ILDR1: variants seen among roughly 807,000 people sequenced by gnomAD.
ILDR1 encodes the protein immunoglobulin-like domain-containing receptor 1.
A neutral mutation model predicts 62.4 loss-of-function variants in ILDR1; 56 were observed. The observed-to-expected ratio is 0.90, with a 90% CI of 0.72 to 1.12. The LOEUF (loss-of-function observed/expected upper bound fraction) is 1.12. ILDR1 is among the 50% of genes most tolerant of loss of function. The probability of loss-of-function intolerance (pLI) is 0.00; values close to 1 mark genes in which losing one functional copy is unlikely to be tolerated. For synonymous variants in ILDR1, 284 were observed against 277.8 expected, an observed-to-expected ratio of 1.02 and a Z score of -0.22; for missense variants, 736 against 710.6, an observed-to-expected ratio of 1.04 and a Z score of -0.41.
At chr3:122,011,273 G>A (rs1365509255) in intron 1 of ILDR1, among the ~76,000 whole-genome samples, 1 of 152,088 alleles carries the variant, frequency 6.6e-6, no homozygotes, top group East Asian at 1.9e-4. Context: ...GTTTGCTGGG[G>A]GTCAGAAAAA....
At chr3:122,035,533 G>A in the ILDR1 span, among the ~76,000 whole-genome samples, 1 of 152,168 alleles carries the variant, frequency 6.6e-6, no homozygotes, top group Non-Finnish European at 1.5e-5. Flanking sequence ...GAGGTGATTG[G>A]ATCGTGGGGG....
the ILDR1 span, among the ~76,000 whole-genome samples, chr3:122,039,384 C>T: frequency 1.3e-4 from 20 of 151,810 alleles, no homozygotes; most frequent in South Asian, 3.3e-3. Flanking sequence ...AGATATTACA[C>T]GTAGAGGAAA....
At chr3:122,030,623 TTCTCTCTCTC>T in the ILDR1 span, among the ~76,000 whole-genome samples, 2 of 147,526 alleles carry the variant, frequency 1.4e-5, no homozygotes, top group Non-Finnish European at 3.0e-5. Flanking sequence ...GCAAGGGTTT[TTCTCTCTCTC>T]TCTCTCTCTC....
chr3:122,040,261 T>G, the ILDR1 span, among the ~76,000 whole-genome samples: 2 of 151,942 alleles, frequency 1.3e-5, no homozygotes, highest in Non-Finnish European at 2.9e-5. Context: ...CAATTTTACA[T>G]AAAGTTACAT....
At chr3:122,036,418 T>C in the ILDR1 span, among the ~76,000 whole-genome samples, 1 of 151,838 alleles carries the variant, frequency 6.6e-6, no homozygotes, top group South Asian at 2.1e-4. Flanking sequence ...AGAAACCCCA[T>C]CTCTACTAAA....
At chr3:122,055,573 G>C in the ILDR1 span, 1 of 1,422,730 alleles carries the variant, frequency 7.0e-7, no homozygotes, top group Non-Finnish European at 9.9e-7. Flanking sequence ...TGAGGTTGAA[G>C]ATGGTGCTTT....
the ILDR1 span, among the ~76,000 whole-genome samples, chr3:122,049,271 A>G: frequency 6.6e-6 from 1 of 152,214 alleles, no homozygotes; most frequent in Admixed American, 6.5e-5. Flanking sequence ...TAAATGTGAT[A>G]GGACTTGTTT....
rs535389855 is a variant in ILDR1, at chr3:122,014,266, C to G, written c.59-7105G>C. On this transcript the variant is annotated intron_variant, in intron 1 of 7. Coordinates refer to ENST00000344209, the MANE Select transcript of ILDR1 (RefSeq NM_001199799.2). Reference sequence around the variant, plus strand: ...GTATCAAGTAAAAAGTTCCTCCTTGCTCACCATGAATTCCACTTTCCAGAG... The same window carrying G: ...GTATCAAGTAAAAAGTTCCTCCTTGGTCACCATGAATTCCACTTTCCAGAG... 2.6e-5 allele frequency among the ~76,000 whole-genome samples: 4 copies of G among 152,338 alleles called. No homozygotes were observed. In the East Asian group the frequency reaches 7.7e-4, roughly 29 times the overall value.
At chr3:122,003,845 G>A (rs2071564819) in intron 3 of ILDR1, among the ~76,000 whole-genome samples, 1 of 152,116 alleles carries the variant, frequency 6.6e-6, no homozygotes, top group Non-Finnish European at 1.5e-5. Context: ...TTCAGAAACT[G>A]TTCAGGTAAT....
the ILDR1 span, among the ~76,000 whole-genome samples, chr3:122,045,857 C>G: frequency 8.4e-3 from 1,269 of 151,228 alleles, 19 homozygotes; most frequent in African/African-American, 0.028. Context: ...ACTGATGGGT[C>G]TTGACTCTTT....
At chr3:122,036,775 G>A in the ILDR1 span, among the ~76,000 whole-genome samples, 2 of 152,330 alleles carry the variant, frequency 1.3e-5, no homozygotes, top group African/African-American at 4.8e-5. Context: ...GGGCATTTCA[G>A]AGACTTTCAT....
chr3:121,993,581 A>G lies in ILDR1; in HGVS notation c.1168T>C (p.Leu390=), dbSNP rs1576715040. 14 of 1,614,128 alleles carry G rather than the reference A, an allele frequency of 8.7e-6. No homozygotes were observed. Among genetic ancestry groups the G allele is most frequent in the Non-Finnish European group, 1.1e-5 (13 of 1,180,024 alleles). The change falls in exon 7 of 8, where the codon TTG becomes CTG. Residue 390 remains leucine, a synonymous_variant. Transcript: ENST00000344209. The part of the protein sequence containing the change: ...LQDRGPKSWA[L]ERRELDPSWS... ...GATGGGTCCAACTCCCTTCTTTCCA[A>G]TGCCCAAGACTTTGGCCCCCGGTCC... is the stretch of plus-strand genomic sequence containing the variant.
At chr3:122,014,923 C>G (rs2071757205) in intron 1 of ILDR1, among the ~76,000 whole-genome samples, 1 of 152,180 alleles carries the variant, frequency 6.6e-6, no homozygotes, top group South Asian at 2.1e-4. Context: ...ACTCATGTCT[C>G]CACACACTAA....
intron 1 of ILDR1, among the ~76,000 whole-genome samples, chr3:122,011,653 T>TG (rs1377157233): frequency 5.7e-5 from 6 of 104,550 alleles, no homozygotes; most frequent in African/African-American, 2.0e-4. Context: ...CCTGTCTCTC[T>TG]TTCTCTCTCT....
At chr3:121,999,044 G>A (rs2071478743) in intron 5 of ILDR1, among the ~76,000 whole-genome samples, 2 of 152,158 alleles carry the variant, frequency 1.3e-5, no homozygotes, top group South Asian at 2.1e-4. Context: ...GTATGCAAGG[G>A]GACTACACAT....
At chr3:122,012,072 C>A (rs1417937669) in intron 1 of ILDR1, among the ~76,000 whole-genome samples, 1 of 152,184 alleles carries the variant, frequency 6.6e-6, no homozygotes, top group Non-Finnish European at 1.5e-5. Flanking sequence ...GAAGGAAAGG[C>A]AGTAGCAAGA....
chr3:122,004,592 G>T (rs1315302148), intron 3 of ILDR1, among the ~76,000 whole-genome samples: 1 of 152,216 alleles, frequency 6.6e-6, no homozygotes, highest in African/African-American at 2.4e-5. Context: ...ACAGAGAATA[G>T]ATAGGCTTTA....
At chr3:122,038,856 C>T in the ILDR1 span, among the ~76,000 whole-genome samples, 2 of 151,542 alleles carry the variant, frequency 1.3e-5, no homozygotes, top group Non-Finnish European at 2.9e-5. Flanking sequence ...ATAAATAATG[C>T]CTTAAACCAG....
chr3:121,990,826 G>A (rs1168214369), intron 7 of ILDR1, among the ~76,000 whole-genome samples: 1 of 152,164 alleles, frequency 6.6e-6, no homozygotes, highest in Non-Finnish European at 1.5e-5. Context: ...TCAAACCTAA[G>A]CTTCACTCCC....
Sources: allele counts gnomAD v4.1 joint callset (sites outside exome capture counted in the v4.1 genomes callset), GRCh38; gene constraint gnomAD v4.1.1; transcripts MANE v1.5; gene names NCBI Gene and HGNC (gene_info 2026-07-23, HGNC 2026-07-21).